TTC29: variants seen among roughly 807,000 people sequenced by gnomAD.
TTC29 encodes tetratricopeptide repeat protein 29.
Under a neutral mutation model 58.1 loss-of-function variants are expected in TTC29, and 49 were observed. The observed-to-expected ratio is 0.84, with a 90% CI of 0.67 to 1.07. TTC29 has a LOEUF of 1.07. TTC29 is among the 50% of genes least tolerant of loss of function. TTC29 has a pLI of 0.00. For missense variants in TTC29, 582 were observed against 555.6 expected (o/e 1.05, Z -0.48); for synonymous variants, 209 against 196.8 (o/e 1.06, Z -0.52).
chr4:146,748,019 C>A (rs1378723594), intron 11 of TTC29, among the ~76,000 whole-genome samples: 1 of 152,240 alleles, frequency 6.6e-6, no homozygotes, highest in Non-Finnish European at 1.5e-5. Flanking sequence ...GCTGCTTCTG[C>A]ATCTGCCTCA....
chr4:146,908,242 CA>C (rs888443487), intron 5 of TTC29, among the ~76,000 whole-genome samples: 1 of 151,950 alleles, frequency 6.6e-6, no homozygotes, highest in African/African-American at 2.4e-5. Flanking sequence ...GTATTTTCCC[CA>C]AAAAATTTGG....
chr4:146,802,600 A>G lies in TTC29; in HGVS notation c.1330+857T>C, dbSNP rs1162637348. ...AATTTATTCTATGGAGGAAATAAAT[A>G]AATATCAAAATAGATTGTTGTTTCA... On this transcript the variant is annotated intron_variant, in intron 11 of 12. Coordinates refer to ENST00000325106, the MANE Select transcript of TTC29 (RefSeq NM_031956.4). Among the ~76,000 whole-genome samples the G allele has an allele frequency of 4.4e-4, 67 of 152,246 alleles. 1 individual carries two copies. Among genetic ancestry groups the G allele is most frequent in the Admixed American group, 4.4e-3 (67 of 15,282 alleles).
intron 6 of TTC29, among the ~76,000 whole-genome samples, chr4:146,899,694 G>A (rs891240290): frequency 6.6e-6 from 1 of 152,116 alleles, no homozygotes; most frequent in Non-Finnish European, 1.5e-5. Context: ...ACACCAGTGG[G>A]ATGAACATGA....
chr4:146,854,459 T>C (rs773530095), intron 8 of TTC29, among the ~76,000 whole-genome samples: 8 of 152,202 alleles, frequency 5.3e-5, no homozygotes, highest in Non-Finnish European at 1.0e-4. Flanking sequence ...CTCTGGCACA[T>C]AGAATCGAGT....
intron 4 of TTC29, among the ~76,000 whole-genome samples, chr4:146,933,334 A>G (rs1413494614): frequency 3.3e-5 from 5 of 152,246 alleles, no homozygotes; most frequent in Non-Finnish European, 7.3e-5. Context: ...CTGTCCCCAG[A>G]TGATTTTGTT....
intron 11 of TTC29, among the ~76,000 whole-genome samples, chr4:146,762,248 C>T (rs566679209): frequency 1.3e-5 from 2 of 151,974 alleles, no homozygotes; most frequent in African/African-American, 2.4e-5. Context: ...GGCCTGATTC[C>T]CAGGGCCTGA....
chr4:146,939,325 C>T (rs763126213), intron 3 of TTC29, among the ~76,000 whole-genome samples: 7 of 152,076 alleles, frequency 4.6e-5, no homozygotes, highest in Non-Finnish European at 1.0e-4. Flanking sequence ...CATAGTGCTG[C>T]GTGCCTGTGG....
intron 2 of TTC29, chr4:146,942,806 A>T (rs1736533646): frequency 2.0e-6 from 1 of 510,836 alleles, no homozygotes; most frequent in Non-Finnish European, 3.5e-6. Flanking sequence ...AGCATTATGC[A>T]GTGGGCACTG....
intron 4 of TTC29, among the ~76,000 whole-genome samples, chr4:146,916,847 T>A (rs1201665676): frequency 1.3e-5 from 2 of 151,484 alleles, no homozygotes; most frequent in African/African-American, 4.8e-5. Context: ...TGTAGCTGTC[T>A]ATGAGATCAG....
intron 11 of TTC29, chr4:146,764,092 A>C (rs567618999): frequency 6.6e-6 from 1 of 152,256 alleles, no homozygotes; most frequent in African/African-American, 2.4e-5. Flanking sequence ...AGCATCTCTT[A>C]AACCACTTTT....
Position 146,752,339 on chromosome 4 carries a change from A to T in TTC29, c.1331-44788T>A, listed in dbSNP as rs1349721236. The stretch of plus-strand genomic sequence containing the variant: ...ACAATTGCTTCAAACAGAATAAAAT[A>T]ACAAGGGATGTGAAGGACCTCTTCA... On this transcript the variant is annotated intron_variant, in intron 11 of 12. Transcript: ENST00000325106. 9.3e-4 allele frequency among the ~76,000 whole-genome samples: 37 copies of T among 39,982 alleles called. 4 individuals carry two copies. Among genetic ancestry groups the T allele is most frequent in the African/African-American group, 3.3e-3 (10 of 3,018 alleles). The allele number at this position is 39,982 out of a possible 152,430, so 26.2% of individuals were successfully genotyped here. A position where few individuals can be genotyped will look rare whatever the true frequency, so the allele number is the denominator to read the frequency against.
intron 4 of TTC29, among the ~76,000 whole-genome samples, chr4:146,920,370 C>A (rs1240822658): frequency 6.6e-6 from 1 of 150,726 alleles, no homozygotes; most frequent in African/African-American, 2.4e-5. Flanking sequence ...ATACTTTAAA[C>A]ATATTAAAAA....
At chr4:146,790,419 C>A (rs1397670772) in intron 11 of TTC29, among the ~76,000 whole-genome samples, 4 of 152,054 alleles carry the variant, frequency 2.6e-5, no homozygotes, top group Non-Finnish European at 5.9e-5. Flanking sequence ...GATCTCCTGA[C>A]CTTGTGATCT....
intron 5 of TTC29, among the ~76,000 whole-genome samples, chr4:146,904,103 A>C (rs568138871): frequency 3.1e-4 from 47 of 152,298 alleles, no homozygotes; most frequent in African/African-American, 1.1e-3. Context: ...TGGAGGTTTG[A>C]AAGTACTTAG....
chr4:146,747,627 G>GC (rs1745646355), intron 11 of TTC29, among the ~76,000 whole-genome samples: 1 of 152,118 alleles, frequency 6.6e-6, no homozygotes, highest in African/African-American at 2.4e-5. Context: ...GAGCAGTTGT[G>GC]CCCCCAATCC....
rs17022051 is a variant in TTC29 at position 146,850,473 on chromosome 4, T to C, written c.886-16576A>G. On this transcript the variant is annotated intron_variant, in intron 8 of 12. Transcript: ENST00000325106. Reference sequence around the variant, plus strand: ...GCTTCTGGATCTTTTTGGTGCAACCTGTCCTATTGTGGATTGACCAAGATT... The same window carrying C: ...GCTTCTGGATCTTTTTGGTGCAACCCGTCCTATTGTGGATTGACCAAGATT... Among the ~76,000 whole-genome samples, 581 of 152,328 alleles carry C rather than the reference T, an allele frequency of 3.8e-3. 4 individuals carry two copies. The highest frequency in any genetic ancestry group is 0.013 in the African/African-American group (547 of 41,574).
chr4:146,931,241 C>T (rs140480015), intron 4 of TTC29, among the ~76,000 whole-genome samples: 1,911 of 152,014 alleles, frequency 0.013, 20 homozygotes, highest in Non-Finnish European at 0.02. Flanking sequence ...ATTTAAAACT[C>T]TGCCTTTAGA....
At chr4:146,726,517 T>A (rs970214088) in intron 11 of TTC29, among the ~76,000 whole-genome samples, 1 of 152,154 alleles carries the variant, frequency 6.6e-6, no homozygotes, top group Non-Finnish European at 1.5e-5. Context: ...CTTACTCAGA[T>A]TGGCCTGTTT....
At chr4:146,818,748 G>A (rs1357999643) in intron 10 of TTC29, among the ~76,000 whole-genome samples, 1 of 152,120 alleles carries the variant, frequency 6.6e-6, no homozygotes, top group East Asian at 1.9e-4. Flanking sequence ...GGAATACTAT[G>A]CAGCCATAAA....
Sources: allele counts gnomAD v4.1 joint callset (sites outside exome capture counted in the v4.1 genomes callset), GRCh38; gene constraint gnomAD v4.1.1; transcripts MANE v1.5; gene names NCBI Gene and HGNC (gene_info 2026-07-23, HGNC 2026-07-21).